DLG2: variants seen among roughly 807,000 people sequenced by gnomAD.
DLG2 encodes discs large MAGUK scaffold protein 2, also known as disks large homolog 2.
A neutral mutation model predicts 132.5 loss-of-function variants in DLG2; 45 were observed. The observed-to-expected ratio is 0.34, with a 90% confidence interval of 0.27 to 0.44. The LOEUF is 0.44. Among genes scored for constraint, DLG2 ranks in the 20% least tolerant of loss-of-function variants. DLG2 has a pLI of 1.00. For synonymous variants in DLG2, 424 were observed against 419.6 expected (o/e 1.01, Z -0.13); for missense variants, 1,045 against 1,196.9 (o/e 0.87, Z 1.87).
chr11:84,129,603 A>G (rs2094329467), intron 9 of DLG2, among the ~76,000 whole-genome samples: 1 of 152,132 alleles, frequency 6.6e-6, no homozygotes, highest in Non-Finnish European at 1.5e-5. Flanking sequence ...TAAGAAAAGA[A>G]GTATATAGTT....
chr11:85,011,115 A>G (rs1292749193), intron 6 of DLG2, among the ~76,000 whole-genome samples: 1 of 152,100 alleles, frequency 6.6e-6, no homozygotes, highest in Non-Finnish European at 1.5e-5. Flanking sequence ...ATTCCCACCA[A>G]CACTTACAAA....
intron 3 of DLG2, among the ~76,000 whole-genome samples, chr11:85,527,824 G>A (rs2074896201): frequency 6.6e-6 from 1 of 152,174 alleles, no homozygotes; most frequent in South Asian, 2.1e-4. Context: ...CAATATAAAA[G>A]TGTTTCTATT....
At chr11:84,711,007 T>TGG (rs1226822939) in intron 6 of DLG2, among the ~76,000 whole-genome samples, 1 of 68,218 alleles carries the variant, frequency 1.5e-5, no homozygotes, top group Non-Finnish European at 3.2e-5. Context: ...CATATATATA[T>TGG]AGATATATAT....
chr11:85,146,263 T>TCTCTCTCTCTCC, intron 5 of DLG2, among the ~76,000 whole-genome samples: 2 of 148,640 alleles, frequency 1.3e-5, no homozygotes, highest in Non-Finnish European at 3.0e-5. Context: ...TCTCTCTCTC[T>TCTCTCTCTCTCC]CCTGAGCTTC....
intron 6 of DLG2, among the ~76,000 whole-genome samples, chr11:84,911,678 CA>C (rs1363871975): frequency 6.6e-6 from 1 of 152,072 alleles, no homozygotes; most frequent in African/African-American, 2.4e-5. Context: ...TTTAAAAACA[CA>C]AATATATATA....
chr11:84,475,792 C>T (rs1312869480), intron 7 of DLG2, among the ~76,000 whole-genome samples: 1 of 152,034 alleles, frequency 6.6e-6, no homozygotes, highest in East Asian at 1.9e-4. Flanking sequence ...GTTGTGTGCC[C>T]AAAGAAACCC....
At chr11:85,559,174 C>T (rs1229946865) in intron 3 of DLG2, among the ~76,000 whole-genome samples, 7 of 146,516 alleles carry the variant, frequency 4.8e-5, no homozygotes, top group Non-Finnish European at 7.5e-5. Context: ...TTTTTTGAGA[C>T]GGTGTCTTGC....
chr11:84,668,270 C>T (rs1328107710), intron 6 of DLG2, among the ~76,000 whole-genome samples: 5 of 152,080 alleles, frequency 3.3e-5, no homozygotes, highest in Non-Finnish European at 5.9e-5. Flanking sequence ...TAGGGTGACT[C>T]TACTAAAAAA....
chr11:85,296,647 T>A (rs2079238593), intron 3 of DLG2, among the ~76,000 whole-genome samples: 1 of 151,500 alleles, frequency 6.6e-6, no homozygotes, highest in South Asian at 2.1e-4. Flanking sequence ...ATATCAACTA[T>A]CACTTGAAAA....
At chr11:84,019,638 C>T (rs889679150) in intron 11 of DLG2, among the ~76,000 whole-genome samples, 7 of 151,920 alleles carry the variant, frequency 4.6e-5, no homozygotes, top group African/African-American at 1.7e-4. Flanking sequence ...TAGAGTGGTC[C>T]CTAATCCAAT....
chr11:85,510,512 A>G (rs2094036838), intron 3 of DLG2, among the ~76,000 whole-genome samples: 1 of 152,174 alleles, frequency 6.6e-6, no homozygotes, highest in Non-Finnish European at 1.5e-5. Context: ...ATGAACTCAA[A>G]CAAATTTACA....
chr11:85,139,623 T>C (rs1046749643), intron 5 of DLG2, among the ~76,000 whole-genome samples: 18 of 152,186 alleles, frequency 1.2e-4, no homozygotes, highest in African/African-American at 3.6e-4. Flanking sequence ...TTACCCATTT[T>C]TTGTTTTTGT....
chr11:84,136,568 G>A (rs2094608893), intron 9 of DLG2, among the ~76,000 whole-genome samples: 2 of 152,070 alleles, frequency 1.3e-5, no homozygotes, highest in African/African-American at 4.8e-5. Context: ...TCATAGACTC[G>A]AGAAGGACAA....
At chr11:84,639,313 T>C (rs1277719847) in intron 6 of DLG2, among the ~76,000 whole-genome samples, 1 of 151,818 alleles carries the variant, frequency 6.6e-6, no homozygotes, top group Non-Finnish European at 1.5e-5. Flanking sequence ...TGTTCTGAAA[T>C]GGCAATACAA....
chr11:85,155,789 G>T (rs568773038), intron 4 of DLG2, among the ~76,000 whole-genome samples: 3 of 151,248 alleles, frequency 2.0e-5, no homozygotes, highest in Admixed American at 2.0e-4. Flanking sequence ...AGAGTCACTT[G>T]AACCAGGGAG....
intron 6 of DLG2, among the ~76,000 whole-genome samples, chr11:84,593,555 C>G (rs1413583064): frequency 6.6e-6 from 1 of 152,082 alleles, no homozygotes. Flanking sequence ...GACTAGAAAA[C>G]CAAACACCAC....
chr11:84,213,818 C>CAAAAAAAAAAAA (rs35761640), intron 8 of DLG2, among the ~76,000 whole-genome samples: 2 of 46,552 alleles, frequency 4.3e-5, no homozygotes, highest in Non-Finnish European at 5.6e-5. Flanking sequence ...GACTCCGTCT[C>CAAAAAAAAAAAA]AAAAAAAAAA....
intron 5 of DLG2, among the ~76,000 whole-genome samples, chr11:85,148,275 G>T (rs866246232): frequency 6.6e-6 from 1 of 152,054 alleles, no homozygotes; most frequent in Non-Finnish European, 1.5e-5. Flanking sequence ...ACCTAGTAAT[G>T]GGACTGCTGG....
At chr11:85,267,522 G>T (rs1242298709) in intron 4 of DLG2, among the ~76,000 whole-genome samples, 2 of 152,056 alleles carry the variant, frequency 1.3e-5, no homozygotes, top group Non-Finnish European at 2.9e-5. Context: ...AAGAGATCCT[G>T]ATACAAGGTG....
Sources: gnomAD v4.1 joint callset for allele counts (sites outside exome capture counted in the v4.1 genomes callset) on GRCh38, gnomAD v4.1.1 for gene constraint, MANE v1.5 for transcripts, NCBI Gene and HGNC (gene_info 2026-07-23, HGNC 2026-07-21) for gene names.